The following ARHGEF4 variants were observed in gnomAD, a reference collection of about 807,000 sequenced individuals.
ARHGEF4 encodes the protein Rho guanine nucleotide exchange factor 4, also known as APC-stimulated guanine nucleotide exchange factor 1.
In ARHGEF4, 119 loss-of-function variants were observed where a neutral mutation model predicts 162.0. The ratio of observed to expected loss-of-function variants is 0.73; its 90% CI spans 0.63 to 0.86. The LOEUF (loss-of-function observed/expected upper bound fraction) is 0.86. ARHGEF4 is among the 40% of genes least tolerant of loss of function. The probability of loss-of-function intolerance (pLI) is 0.00; values close to 1 mark genes in which losing one functional copy is unlikely to be tolerated. For synonymous variants in ARHGEF4, 1,014 were observed against 979.9 expected (o/e 1.03, Z -0.65); for missense variants, 2,488 against 2,456.0 (o/e 1.01, Z -0.28).
chr2:130,917,316 A>T lies in ARHGEF4; in HGVS notation c.3370A>T (p.Ser1124Cys). ...CTCCATGGTTTCTCTTGGAAGCTAC[A>T]GCTACGTGGACAGCAGTTCAGGGGA... ...AISMVSLGSY[S>C]YVDSSSGDPE... The change falls in exon 2 of 14, where the codon AGC (serine) becomes TGC (cysteine). Residue 1124 changes from serine (S) to cysteine (C), a missense_variant. This residue lies in a region of ARHGEF4 where 1,642 missense variants were observed against 1,481.5 expected (regional missense o/e 1.11). Coordinates refer to ENST00000409359, the MANE Select transcript of ARHGEF4 (RefSeq NM_001367493.1). 1 of 1,550,560 alleles carries T rather than the reference A, an allele frequency of 6.4e-7. No individual in the cohort carries two copies.
Position 131,027,978 on chromosome 2 carries a change from G to A in ARHGEF4, c.4019G>A (p.Cys1340Tyr). Reference sequence around the variant, plus strand: ...GATGGAGCTCTGGACACAGCTGTCTGCGCTGACGAAGTGGGGAGCGAGGAG... The same window carrying A: ...GATGGAGCTCTGGACACAGCTGTCTACGCTGACGAAGTGGGGAGCGAGGAG... ...MPDGALDTAV[C>Y]ADEVGSEEDL... Residue 1340 changes from cysteine (C) to tyrosine (Y), a missense_variant, in exon 5 of 14, where the codon TGC becomes TAC. Coordinates refer to ENST00000409359, the MANE Select transcript of ARHGEF4 (RefSeq NM_001367493.1). 6.2e-7 allele frequency: 1 copy of A among 1,614,074 alleles called. No homozygotes were observed. The highest frequency in any genetic ancestry group is 8.5e-7 in the Non-Finnish European group (1 of 1,180,034).
chr2:130,850,318 G>T (rs1681314455), intron 1 of ARHGEF4, among the ~76,000 whole-genome samples: 3 of 152,322 alleles, frequency 2.0e-5, no homozygotes, highest in Non-Finnish European at 4.4e-5. Flanking sequence ...CATATGGAGA[G>T]GTCTCCTCTC....
chr2:130,945,757 C>T (rs915612489), intron 3 of ARHGEF4, among the ~76,000 whole-genome samples: 5 of 152,286 alleles, frequency 3.3e-5, no homozygotes, highest in Non-Finnish European at 5.9e-5. Context: ...TATACACTCT[C>T]CCCAAGGTTT....
chr2:130,984,202 GC>G (rs1484033792), intron 4 of ARHGEF4, among the ~76,000 whole-genome samples: 1 of 151,982 alleles, frequency 6.6e-6, no homozygotes, highest in Non-Finnish European at 1.5e-5. Flanking sequence ...ATTTTCAAAG[GC>G]CCAACCTCCC....
At chr2:130,963,282 C>T (rs1684743794) in intron 4 of ARHGEF4, among the ~76,000 whole-genome samples, 1 of 152,086 alleles carries the variant, frequency 6.6e-6, no homozygotes. Context: ...CCCGGTGGTC[C>T]ACGCTCACCG....
chr2:130,951,503 G>A (rs62178898), intron 4 of ARHGEF4, among the ~76,000 whole-genome samples: 1 of 152,156 alleles, frequency 6.6e-6, no homozygotes, highest in Admixed American at 6.5e-5. Flanking sequence ...TGGAGCAGTT[G>A]GAACACACAA....
Position 131,014,813 on chromosome 2 carries a change from C to T in ARHGEF4, c.3986-13132C>T, listed in dbSNP as rs543442339. ...TCCTCTTACCTTCAGTGAGATGGCA[C>T]GACAGCACCAAATAGCCAGGGGTCC... is the stretch of plus-strand genomic sequence containing the variant. On this transcript the variant is annotated intron_variant, in intron 4 of 13. Transcript: ENST00000409359. 3.9e-5 allele frequency among the ~76,000 whole-genome samples: 6 copies of T among 152,238 alleles called. No individual in the cohort carries two copies. The East Asian group carries it at 7.7e-4, about 20-fold the overall frequency.
At chr2:130,980,427 A>T (rs1686044033) in intron 4 of ARHGEF4, among the ~76,000 whole-genome samples, 1 of 152,010 alleles carries the variant, frequency 6.6e-6, no homozygotes, top group African/African-American at 2.4e-5. Context: ...TGCCAGACTT[A>T]GCAAAATAAG....
At chr2:130,952,228 GT>G (rs1684002407) in intron 4 of ARHGEF4, among the ~76,000 whole-genome samples, 2 of 152,002 alleles carry the variant, frequency 1.3e-5, no homozygotes, top group African/African-American at 4.8e-5. Context: ...AATTTTCTCA[GT>G]TTTGTTTATC....
intron 8 of ARHGEF4, among the ~76,000 whole-genome samples, chr2:131,040,675 C>A (rs1690739120): frequency 6.6e-6 from 1 of 152,206 alleles, no homozygotes; most frequent in South Asian, 2.1e-4. Flanking sequence ...GCTGGGGCGT[C>A]CCCCAGGAAG....
At chr2:130,850,484 C>A (rs955818717) in intron 1 of ARHGEF4, among the ~76,000 whole-genome samples, 1 of 152,248 alleles carries the variant, frequency 6.6e-6, no homozygotes, top group African/African-American at 2.4e-5. Flanking sequence ...TGTCCATCAT[C>A]CACAGCCAGC....
intron 1 of ARHGEF4, among the ~76,000 whole-genome samples, chr2:130,898,086 A>G (rs572437677): frequency 1.3e-5 from 2 of 152,332 alleles, no homozygotes; most frequent in Admixed American, 1.3e-4. Context: ...AAATAGGGAA[A>G]TGCATTTTCT....
chr2:130,967,135 A>T (rs1407771657), intron 4 of ARHGEF4, among the ~76,000 whole-genome samples: 2 of 152,244 alleles, frequency 1.3e-5, no homozygotes, highest in Admixed American at 1.3e-4. Context: ...GGCGCACAGC[A>T]GTAGACAAGG....
intron 1 of ARHGEF4, among the ~76,000 whole-genome samples, chr2:130,849,486 G>T (rs761423122): frequency 1.3e-5 from 2 of 152,074 alleles, no homozygotes; most frequent in African/African-American, 4.8e-5. Flanking sequence ...CTGCCTGTCT[G>T]CCCTGGAACT....
intron 4 of ARHGEF4, among the ~76,000 whole-genome samples, chr2:130,977,746 GTGTA>G (rs1032587391): frequency 6.6e-6 from 1 of 152,022 alleles, no homozygotes; most frequent in Admixed American, 6.6e-5. Context: ...ATGTGTATGT[GTGTA>G]TGTTGTGTGA....
chr2:131,045,536 T>C, intron 13 of ARHGEF4, 90 bp downstream of exon 13: 2 of 1,612,650 alleles, frequency 1.2e-6, no homozygotes, highest in Non-Finnish European at 1.7e-6. Flanking sequence ...CCAAGCCAGC[T>C]AGCCACCAGG....
intron 4 of ARHGEF4, among the ~76,000 whole-genome samples, chr2:131,015,777 C>T (rs1453968756): frequency 2.0e-5 from 3 of 152,172 alleles, no homozygotes; most frequent in East Asian, 1.9e-4. Flanking sequence ...CCTGGCTGGC[C>T]GGCAAGCTTT....
At chr2:130,913,932 G>A (rs1681344184) in intron 1 of ARHGEF4, 54 bp from the exon 2 acceptor site, 2 of 1,532,144 alleles carry the variant, frequency 1.3e-6, no homozygotes, top group South Asian at 2.4e-5. Flanking sequence ...GTGTAAACAT[G>A]TGCACAGATG....
At chr2:130,932,979 A>C (rs1682722099) in intron 3 of ARHGEF4, among the ~76,000 whole-genome samples, 1 of 152,146 alleles carries the variant, frequency 6.6e-6, no homozygotes, top group Non-Finnish European at 1.5e-5. Context: ...CACTTGGGGA[A>C]GCCGAGGCGG....
Sources: allele counts gnomAD v4.1 joint callset (sites outside exome capture counted in the v4.1 genomes callset), GRCh38; gene constraint gnomAD v4.1.1; regional missense constraint gnomAD v4.1.1; transcripts MANE v1.5; gene names NCBI Gene and HGNC (gene_info 2026-07-23, HGNC 2026-07-21).